The following MTREX variants were observed in gnomAD, a reference collection of about 807,000 sequenced individuals.
The protein encoded by MTREX is Mtr4 exosome RNA helicase.
MTREX carries 76 observed loss-of-function variants against 135.4 expected under a neutral mutation model. The ratio of observed to expected loss-of-function variants is 0.56; its 90% CI spans 0.47 to 0.68. The LOEUF (loss-of-function observed/expected upper bound fraction) is 0.68. Ranked by LOEUF, MTREX falls within the 30% of genes least tolerant of loss-of-function variation. The probability of loss-of-function intolerance (pLI) is 0.00; values close to 1 mark genes in which losing one functional copy is unlikely to be tolerated. For synonymous variants in MTREX, 404 were observed against 401.6 expected (o/e 1.01, Z -0.07); for missense variants, 920 against 1,262.1 (o/e 0.73, Z 4.11).
chr5:55,330,131 T>C (rs1401662820), intron 5 of MTREX, among the ~76,000 whole-genome samples: 1 of 151,966 alleles, frequency 6.6e-6, no homozygotes, highest in African/African-American at 2.4e-5. Context: ...CAGGTTGGAG[T>C]GCAGTGGCAC....
At chr5:55,419,703 T>TAG (rs1305654974) in intron 25 of MTREX, among the ~76,000 whole-genome samples, 12 of 152,252 alleles carry the variant, frequency 7.9e-5, no homozygotes, top group Admixed American at 2.0e-4. Flanking sequence ...TGCTTTCCAC[T>TAG]GAGCAAGTGT....
In MTREX at chr5:55,425,461, T is replaced by C; in HGVS notation, c.*689T>C. Reference sequence around the variant, plus strand: ...TACTTTGAGGTGTACAGATTAAGCATATAAAAAATTAGAGACTAACTGGGA... The same window carrying C: ...TACTTTGAGGTGTACAGATTAAGCACATAAAAAATTAGAGACTAACTGGGA... On this transcript the variant is annotated 3_prime_UTR_variant, in exon 27 of 27. Transcript: ENST00000230640. 5 of 856,854 alleles carry C rather than the reference T, an allele frequency of 5.8e-6. No individual in the cohort carries two copies. Among genetic ancestry groups the C allele is most frequent in the Non-Finnish European group, 8.3e-6 (5 of 601,056 alleles). The allele number at this position is 856,854 out of a possible 1,614,324, so 53.1% of individuals were successfully genotyped here.
In MTREX at chr5:55,425,280, CTTTT is replaced by C; in HGVS notation, c.*509_*512del. 2 of 1,611,478 alleles carry C rather than the reference CTTTT, an allele frequency of 1.2e-6. No individual in the cohort carries two copies. The highest frequency in any genetic ancestry group is 8.5e-7 in the Non-Finnish European group (1 of 1,177,900). On this transcript the variant is annotated 3_prime_UTR_variant, in exon 27 of 27. Transcript: ENST00000230640. ...TGCAGAGTTGTATGAGAGTCCTCCT[CTTTT>C]CTTTCTTTAAAAGAAGTTCTTTCTT... is the stretch of plus-strand genomic sequence containing the variant.
At chr5:55,363,202 A>T (rs981398766) in intron 15 of MTREX, among the ~76,000 whole-genome samples, 7 of 152,222 alleles carry the variant, frequency 4.6e-5, no homozygotes, top group African/African-American at 1.7e-4. Flanking sequence ...ATAACAATGT[A>T]CAGGCCTTTT....
intron 5 of MTREX, among the ~76,000 whole-genome samples, chr5:55,336,491 G>A (rs1365494297): frequency 3.9e-5 from 6 of 152,278 alleles, no homozygotes; most frequent in South Asian, 2.1e-4. Context: ...TGAGGAAATC[G>A]TAGTATTAGC....
chr5:55,391,475 AC>A lies in MTREX; in HGVS notation c.2181+3374del, dbSNP rs549355263. ...AAAATCAATCTCTTTGTCTAAAAAA[AC>A]ATAGTAGAGTTGAGCTTGTTTTATT... On this transcript the variant is annotated intron_variant, in intron 19 of 26. Transcript: ENST00000230640. 1.1e-3 allele frequency among the ~76,000 whole-genome samples: 164 copies of A among 152,286 alleles called. 1 individual carries two copies. The highest frequency in any genetic ancestry group is 3.8e-3 in the African/African-American group (156 of 41,554).
intron 1 of MTREX, among the ~76,000 whole-genome samples, chr5:55,312,712 T>A (rs1040587453): frequency 2.0e-5 from 3 of 152,230 alleles, no homozygotes; most frequent in African/African-American, 7.2e-5. Flanking sequence ...TGTTTATACC[T>A]CCATCTGTTA....
chr5:55,340,347 G>T (rs1184001935), intron 6 of MTREX, among the ~76,000 whole-genome samples, 163 bp downstream of exon 6: 2 of 152,062 alleles, frequency 1.3e-5, no homozygotes, highest in Admixed American at 6.5e-5. Flanking sequence ...ATCTTAAAGT[G>T]TTCTGATAAT....
At chr5:55,372,058 G>A (rs577233673) in intron 16 of MTREX, among the ~76,000 whole-genome samples, 1 of 152,260 alleles carries the variant, frequency 6.6e-6, no homozygotes, top group East Asian at 1.9e-4. Context: ...GGTCTGTGCT[G>A]CCTTTAGTGC....
intron 24 of MTREX, among the ~76,000 whole-genome samples, chr5:55,414,592 GTTTATT>G (rs1438744252): frequency 6.6e-6 from 1 of 152,074 alleles, no homozygotes; most frequent in African/African-American, 2.4e-5. Context: ...CTAGGATTTA[GTTTATT>G]TTTAATTTTT....
At chr5:55,333,860 C>G (rs1156433678) in intron 5 of MTREX, among the ~76,000 whole-genome samples, 1 of 152,006 alleles carries the variant, frequency 6.6e-6, no homozygotes, top group Non-Finnish European at 1.5e-5. Context: ...TTTGTACCCC[C>G]AAAGAATTGA....
chr5:55,375,290 C>T lies in MTREX; in HGVS notation c.1811-3024C>T, dbSNP rs1750277131. The stretch of plus-strand genomic sequence containing the variant: ...TTCCTCTACCTAATAAGCATGGGAG[C>T]GCTATGGGAGACTGGGGTCTATTTC... On this transcript the variant is annotated intron_variant, in intron 16 of 26. Coordinates refer to ENST00000230640, the MANE Select transcript of MTREX (RefSeq NM_015360.5). Among the ~76,000 whole-genome samples the T allele has an allele frequency of 2.0e-5, 3 of 152,164 alleles. No homozygotes were observed. The South Asian group carries it at 6.2e-4, about 32-fold the overall frequency.
rs1353338828 is a variant in MTREX, at chr5:55,420,291, G to C, written c.2972-2587G>C. Among the ~76,000 whole-genome samples, 4 of 152,224 alleles carry C rather than the reference G, an allele frequency of 2.6e-5. No homozygotes were observed. In the East Asian group the frequency reaches 7.7e-4, roughly 29 times the overall value. ...AGGGTATGCCAGAAAGCTGAAGGCA[G>C]AAGTTCTGTTCGGGAAAATCTGCTG... On this transcript the variant is annotated intron_variant, in intron 25 of 26. Coordinates refer to ENST00000230640, the MANE Select transcript of MTREX (RefSeq NM_015360.5).
intron 3 of MTREX, among the ~76,000 whole-genome samples, chr5:55,325,322 TG>T (rs1409449072): frequency 2.0e-5 from 3 of 147,050 alleles, no homozygotes; most frequent in African/African-American, 7.5e-5. Flanking sequence ...GTTGTTTTTT[TG>T]GGGGGGTTTT....
intron 7 of MTREX, 46 bp from the exon 8 acceptor site, chr5:55,343,285 C>A: frequency 1.3e-6 from 2 of 1,505,084 alleles, no homozygotes; most frequent in Non-Finnish European, 1.8e-6. Flanking sequence ...CACAGAGTGA[C>A]ACTGTAGTCC....
intron 7 of MTREX, 47 bp from the exon 8 acceptor site, chr5:55,343,284 A>T: frequency 2.7e-6 from 4 of 1,505,466 alleles, no homozygotes; most frequent in Non-Finnish European, 3.6e-6. Context: ...TCACAGAGTG[A>T]CACTGTAGTC....
intron 16 of MTREX, among the ~76,000 whole-genome samples, chr5:55,371,476 G>A (rs1404130396): frequency 6.6e-6 from 1 of 152,084 alleles, no homozygotes; most frequent in Non-Finnish European, 1.5e-5. Context: ...GCTGTCTTAA[G>A]AGTTTGTGGG....
At chr5:55,405,316 T>C in intron 21 of MTREX, 109 bp from the exon 22 acceptor site, 3 of 923,242 alleles carry the variant, frequency 3.2e-6, no homozygotes, top group Non-Finnish European at 4.9e-6. Context: ...CCCAGAAGTA[T>C]ACTGTAAGAT....
chr5:55,352,442 A>T (rs1749844811), intron 13 of MTREX, among the ~76,000 whole-genome samples: 1 of 152,172 alleles, frequency 6.6e-6, no homozygotes, highest in African/African-American at 2.4e-5. Context: ...CAAATAGAGC[A>T]GTTGTATGTA....
Sources: allele counts gnomAD v4.1 joint callset (sites outside exome capture counted in the v4.1 genomes callset), GRCh38; gene constraint gnomAD v4.1.1; transcripts MANE v1.5; gene names NCBI Gene and HGNC (gene_info 2026-07-23, HGNC 2026-07-21).